The following PUDP variants were observed in gnomAD, a reference collection of about 807,000 sequenced individuals.
The protein encoded by PUDP is pseudouridine-5'-phosphatase.
Under a neutral mutation model 9.4 loss-of-function variants are expected in PUDP, and 8 were observed. The observed-to-expected ratio is 0.85, with a 90% CI of 0.50 to 1.53. The LOEUF is 1.53. PUDP is among the 40% of genes most tolerant of loss of function. PUDP has a pLI of 0.00. For synonymous variants in PUDP, 99 were observed against 80.7 expected (o/e 1.23, Z -1.22); for missense variants, 188 against 189.7 (o/e 0.99, Z 0.05).
At chrX:6,844,406 G>A (rs767677758) in intron 3 of PUDP, among the ~76,000 whole-genome samples, 2 of 112,569 alleles carry the variant, frequency 1.8e-5, no homozygotes, top group South Asian at 7.3e-4. Flanking sequence ...AGATACAACA[G>A]TAAATAAAAT....
At chrX:6,838,735 G>A (rs1926621126) in intron 3 of PUDP, among the ~76,000 whole-genome samples, 1 of 111,951 alleles carries the variant, frequency 8.9e-6, no homozygotes, top group Admixed American at 9.5e-5. Context: ...ATGGGAAGTT[G>A]GCTATCTGGG....
At chrX:6,879,445 C>CAT (rs1250919130) in intron 3 of PUDP, among the ~76,000 whole-genome samples, 1 of 110,981 alleles carries the variant, frequency 9.0e-6, no homozygotes, top group African/African-American at 3.3e-5. Context: ...TACACACACA[C>CAT]ACACACACAC....
chrX:7,105,790 T>C lies in PUDP; in HGVS notation c.110A>G (p.Tyr37Cys), dbSNP rs374501713. 15 of 1,207,104 alleles carry C rather than the reference T, an allele frequency of 1.2e-5. No homozygotes were observed. Among genetic ancestry groups the C allele is most frequent in the South Asian group, 8.8e-5 (5 of 56,502 alleles). ...TACATCCCAGCTGTATTTCTTGTCA[T>C]AGCGATTACATATTTCTTGAAACAC... is the stretch of plus-strand genomic sequence containing the variant. ...SVVFQEICNRYDKKYSWDVKS... is the reference protein window; with the variant it reads ...SVVFQEICNRCDKKYSWDVKS... The change falls in exon 2 of 4, where the codon TAT (tyrosine) becomes TGT (cysteine). Residue 37 changes from tyrosine to cysteine, a missense_variant. By Grantham distance (194) the Tyr-to-Cys change is radical. Transcript: ENST00000381077.
At chrX:6,706,389 G>C (rs1924469409) in exon 2 of PUDP, 1 of 112,006 alleles carries the variant, frequency 8.9e-6, no homozygotes, top group Non-Finnish European at 1.9e-5. Flanking sequence ...GATCTCTTGA[G>C]GCCAGGAGTT....
intron 3 of PUDP, among the ~76,000 whole-genome samples, chrX:6,764,643 G>A (rs778977043): frequency 2.7e-5 from 3 of 111,525 alleles, no homozygotes; most frequent in South Asian, 3.8e-4. Flanking sequence ...AGTACGATAC[G>A]ATGAATGTGA....
upstream of PUDP, among the ~76,000 whole-genome samples, chrX:6,726,194 C>T (rs148621837): frequency 9.0e-6 from 1 of 111,226 alleles, no homozygotes; most frequent in Admixed American, 9.6e-5. Context: ...TTAAAATGGG[C>T]ATGGCCGTGT....
At chrX:7,011,185 A>G (rs1929472346) in intron 1 of PUDP, among the ~76,000 whole-genome samples, 1 of 111,918 alleles carries the variant, frequency 8.9e-6, no homozygotes, top group African/African-American at 3.3e-5. Flanking sequence ...ATTGCAGACA[A>G]TGGGGACGTC....
intron 3 of PUDP, among the ~76,000 whole-genome samples, chrX:6,757,864 T>C (rs964090402): frequency 6.2e-5 from 7 of 112,537 alleles, no homozygotes; most frequent in African/African-American, 1.9e-4. Context: ...CTGCCACCTT[T>C]TCTGTAAGTT....
Position 7,050,439 on chromosome X carries a change from C to G in PUDP, c.544G>C (p.Glu182Gln). 1 of 1,211,278 alleles carries G rather than the reference C, an allele frequency of 8.3e-7. No homozygotes were observed. Among genetic ancestry groups the G allele is most frequent in the South Asian group, 1.8e-5 (1 of 56,873 alleles). The change falls in exon 4 of 4, where the codon GAG becomes CAG. Residue 182 changes from glutamate (E) to glutamine (Q), a missense_variant. Glu to Gln is a conservative substitution (Grantham distance 29). Coordinates refer to ENST00000381077, the MANE Select transcript of PUDP (RefSeq NM_012080.5). ...TGCATCCCAGCTGCCAGGGCCGCCTCCACCCCATTGGGAGCATCTTCAAAG... is the reference window on the plus strand; with the variant it reads ...TGCATCCCAGCTGCCAGGGCCGCCTGCACCCCATTGGGAGCATCTTCAAAG... ...LVFEDAPNGV[E>Q]AALAAGMQVV...
rs190296033 is a variant in PUDP at position 7,057,928 on chromosome X, C to T, written c.511-7456G>A. ...AAGGGCCCGCGGCTTGTGATGCTCT[C>T]GTGTTCCTCCCCAGGTCTCACTTCC... is the stretch of plus-strand genomic sequence containing the variant. On this transcript the variant is annotated intron_variant, in intron 3 of 3. Coordinates refer to ENST00000381077, the MANE Select transcript of PUDP (RefSeq NM_012080.5). 6.5e-4 allele frequency: 343 copies of T among 524,280 alleles called. 2 individuals carry two copies. The highest frequency in any genetic ancestry group is 5.9e-3 in the East Asian group (158 of 26,884). The allele number at this position is 524,280 out of a possible 1,213,427, so 43.2% of individuals were successfully genotyped here. A position where few individuals can be genotyped will look rare whatever the true frequency, so the allele number is the denominator to read the frequency against.
chrX:7,089,553 G>A (rs771398602), intron 2 of PUDP, among the ~76,000 whole-genome samples: 2 of 111,032 alleles, frequency 1.8e-5, no homozygotes, highest in Non-Finnish European at 3.8e-5. Context: ...TGGTGTTTTA[G>A]CTCTTCGTTT....
intron 3 of PUDP, among the ~76,000 whole-genome samples, chrX:6,752,624 G>C (rs771221574): frequency 2.7e-5 from 3 of 111,558 alleles, no homozygotes; most frequent in Non-Finnish European, 3.8e-5. Flanking sequence ...ATAGAACAGA[G>C]TGACGTCAGG....
intron 1 of PUDP, among the ~76,000 whole-genome samples, chrX:7,143,344 T>C (rs1265136577): frequency 8.9e-6 from 1 of 111,787 alleles, no homozygotes; most frequent in South Asian, 3.7e-4. Context: ...TTCTCACACA[T>C]GCCTGTATCC....
intron 1 of PUDP, among the ~76,000 whole-genome samples, chrX:6,997,982 G>A (rs1348910890): frequency 1.8e-5 from 2 of 112,187 alleles, no homozygotes; most frequent in East Asian, 2.8e-4. Flanking sequence ...ATAAGTACAA[G>A]AAATGTAGTA....
In PUDP at chrX:6,756,890, GAAC is replaced by G. The variant is rs766958368; in HGVS notation, c.*248-50427_*248-50425del. The stretch of plus-strand genomic sequence containing the variant: ...GACGGATATTTCTCTTAGGCTACAG[GAAC>G]AACATTTCATCCATGAGATCAGAAG... On this transcript the variant is annotated intron_variant and NMD_transcript_variant, in intron 3 of 3. Coordinates refer to the PUDP transcript ENST00000655425. Among the ~76,000 whole-genome samples the G allele has an allele frequency of 4.7e-4, 53 of 112,212 alleles. 2 individuals carry two copies. The East Asian group carries it at 6.5e-3, about 14-fold the overall frequency.
chrX:6,821,096 CCA>C (rs1290268302), intron 3 of PUDP, among the ~76,000 whole-genome samples: 2 of 111,159 alleles, frequency 1.8e-5, no homozygotes, highest in Non-Finnish European at 3.8e-5. Flanking sequence ...TCCAACCCTG[CCA>C]AGGGTTGGAA....
At chrX:6,876,976 CAT>C (rs1491078377) in intron 3 of PUDP, among the ~76,000 whole-genome samples, 70 of 107,092 alleles carry the variant, frequency 6.5e-4, no homozygotes, top group African/African-American at 2.2e-3. Context: ...CACACACACA[CAT>C]AACACTTTAG....
intron 3 of PUDP, among the ~76,000 whole-genome samples, chrX:6,910,874 C>G (rs1927838651): frequency 8.9e-6 from 1 of 111,744 alleles, no homozygotes; most frequent in African/African-American, 3.3e-5. Flanking sequence ...AGGCCCTGCT[C>G]CCTGGTTCAT....
intron 3 of PUDP, among the ~76,000 whole-genome samples, chrX:6,893,501 T>C (rs1927545273): frequency 8.9e-6 from 1 of 111,888 alleles, no homozygotes; most frequent in Non-Finnish European, 1.9e-5. Context: ...GGGACCATTA[T>C]GAGTCCTTCT....
Sources: allele counts gnomAD v4.1 joint callset (sites outside exome capture counted in the v4.1 genomes callset), GRCh38; gene constraint gnomAD v4.1.1; transcripts MANE v1.5; gene names NCBI Gene and HGNC (gene_info 2026-07-23, HGNC 2026-07-21).